Variants in PAK3 observed in about 807,000 individuals in gnomAD.
The protein encoded by PAK3 is p21 (RAC1) activated kinase 3.
PAK3 carries 4 observed loss-of-function variants against 41.0 expected under a neutral mutation model. That is an observed-to-expected ratio of 0.10 (90% CI 0.05 to 0.22). The LOEUF (loss-of-function observed/expected upper bound fraction) is 0.22, where lower values mean the gene tolerates loss of function less well. PAK3 is among the 10% of genes least tolerant of loss of function. The pLI, the probability that PAK3 is intolerant of heterozygous loss-of-function variation, is 1.00. For synonymous variants in PAK3, 146 were observed against 139.6 expected (o/e 1.05, Z -0.32); for missense variants, 205 against 409.9 (o/e 0.50, Z 4.32).
intron 11 of PAK3, among the ~76,000 whole-genome samples, chrX:111,175,268 A>G (rs768206703): frequency 2.4e-4 from 27 of 111,633 alleles, no homozygotes; most frequent in Non-Finnish European, 4.9e-4. Context: ...AGCACTTGAA[A>G]TGTGGCTAGT....
chrX:111,003,382 C>A (rs953249940), intron 1 of PAK3, among the ~76,000 whole-genome samples: 1 of 111,343 alleles, frequency 9.0e-6, no homozygotes, highest in Non-Finnish European at 1.9e-5. Flanking sequence ...GAAGTCCCTG[C>A]ACCTCGGGGA....
intron 6 of PAK3, 89 bp downstream of exon 6, chrX:111,142,285 T>C: frequency 1.7e-6 from 1 of 593,014 alleles, no homozygotes; most frequent in Admixed American, 2.2e-5. Flanking sequence ...TGTCCCAAAA[T>C]GTCAGACTTA....
chrX:110,972,988 A>G (rs2091245082), intron 1 of PAK3, among the ~76,000 whole-genome samples: 1 of 111,831 alleles, frequency 8.9e-6, no homozygotes, highest in African/African-American at 3.3e-5. Flanking sequence ...AATTAATGAA[A>G]TAAAGCAAGA....
intron 1 of PAK3, among the ~76,000 whole-genome samples, chrX:111,024,398 A>G (rs1331832729): frequency 9.0e-6 from 1 of 111,548 alleles, no homozygotes; most frequent in Admixed American, 9.6e-5. Context: ...TTCCATATGA[A>G]ATTTAAAGTA....
intron 17 of PAK3, among the ~76,000 whole-genome samples, chrX:111,218,835 C>T (rs897107380): frequency 1.8e-5 from 2 of 110,352 alleles, no homozygotes; most frequent in Middle Eastern, 4.7e-3. Context: ...GACAGGGAGA[C>T]CAAGGGGGAG....
intron 11 of PAK3, among the ~76,000 whole-genome samples, chrX:111,174,254 A>G (rs2094380837): frequency 1.8e-5 from 2 of 110,908 alleles, no homozygotes; most frequent in Non-Finnish European, 3.8e-5. Flanking sequence ...TTCTTTTGAA[A>G]TTGCCAGTAT....
intron 1 of PAK3, among the ~76,000 whole-genome samples, chrX:111,070,464 C>A (rs1194136798): frequency 1.8e-5 from 2 of 111,889 alleles, no homozygotes; most frequent in Non-Finnish European, 3.8e-5. Context: ...GTAGAAAAAT[C>A]TTTGCAATTC....
intron 1 of PAK3, among the ~76,000 whole-genome samples, chrX:111,000,226 C>T (rs1436334013): frequency 3.6e-5 from 4 of 111,590 alleles, no homozygotes; most frequent in Non-Finnish European, 7.5e-5. Flanking sequence ...TTGGTTTTGT[C>T]CCTTTGTGTC....
At chrX:111,075,386 T>TGCTCGA (rs2092776261) in intron 1 of PAK3, among the ~76,000 whole-genome samples, 2 of 112,780 alleles carry the variant, frequency 1.8e-5, no homozygotes, top group Admixed American at 1.9e-4. Flanking sequence ...GCATCCCTAC[T>TGCTCGA]GCTCCAGCTC....
intron 4 of PAK3, among the ~76,000 whole-genome samples, chrX:111,115,415 G>A (rs1042124746): frequency 2.7e-5 from 3 of 111,357 alleles, no homozygotes; most frequent in Non-Finnish European, 5.7e-5. Flanking sequence ...CTTGAATATG[G>A]GGAATTCCTA....
intron 10 of PAK3, among the ~76,000 whole-genome samples, chrX:111,165,269 C>T: frequency 9.0e-6 from 1 of 111,657 alleles, no homozygotes. Flanking sequence ...ATTAAATATG[C>T]CACTAGCACT....
intron 1 of PAK3, among the ~76,000 whole-genome samples, chrX:111,023,035 T>TC (rs1427623420): frequency 9.1e-6 from 1 of 110,225 alleles, no homozygotes; most frequent in Admixed American, 9.7e-5. Context: ...ATGCTATCCC[T>TC]CCCCCAGGCC....
At chrX:111,141,388 A>G (rs2093869512) in intron 5 of PAK3, among the ~76,000 whole-genome samples, 1 of 112,161 alleles carries the variant, frequency 8.9e-6, no homozygotes, top group African/African-American at 3.2e-5. Flanking sequence ...ACATGGACAA[A>G]TAACTACAAA....
chrX:110,957,487 T>C (rs1360020079), intron 1 of PAK3, among the ~76,000 whole-genome samples: 1 of 112,242 alleles, frequency 8.9e-6, no homozygotes, highest in African/African-American at 3.2e-5. Context: ...ACTTATGAAA[T>C]ATTCAGAAGG....
intron 1 of PAK3, among the ~76,000 whole-genome samples, chrX:111,087,543 A>G (rs147500549): frequency 1.3e-3 from 143 of 110,797 alleles, no homozygotes; most frequent in African/African-American, 4.4e-3. Context: ...CTGTGTGCAC[A>G]TATTAACTTT....
intron 1 of PAK3, among the ~76,000 whole-genome samples, chrX:111,070,024 G>GT (rs959548324): frequency 7.2e-5 from 8 of 110,750 alleles, no homozygotes; most frequent in Non-Finnish European, 1.5e-4. Flanking sequence ...TTATCTATTA[G>GT]TTTTTTTCTG....
At position 110,949,854 on chromosome X, in the gene PAK3, G is replaced by A. The variant is rs751774108; in HGVS notation, c.-28+5226G>A. Among the ~76,000 whole-genome samples the A allele has an allele frequency of 8.1e-5, 9 of 111,680 alleles. No individual in the cohort carries two copies. In the South Asian group the frequency reaches 3.4e-3, roughly 43 times the overall value. ...GGGAAGCTAGGCAGGTGGGAAATTT[G>A]GGAGGACTGGGGAGGGGGTCAGTCC... On this transcript the variant is annotated intron_variant, in intron 1 of 14. Coordinates refer to the PAK3 transcript ENST00000425146.
chrX:111,204,319 T>A (rs746701420), intron 16 of PAK3, among the ~76,000 whole-genome samples: 36 of 111,273 alleles, frequency 3.2e-4, no homozygotes, highest in Middle Eastern at 9.3e-3. Context: ...AAGTTTATGC[T>A]ACTATTATGT....
At chrX:111,022,463 C>A (rs778196396) in intron 1 of PAK3, among the ~76,000 whole-genome samples, 1 of 111,439 alleles carries the variant, frequency 9.0e-6, no homozygotes, top group East Asian at 2.8e-4. Context: ...CAGTCTTTTC[C>A]AGACAAACAA....
Sources: gnomAD v4.1 joint callset for allele counts (sites outside exome capture counted in the v4.1 genomes callset) on GRCh38, gnomAD v4.1.1 for gene constraint, MANE v1.5 for transcripts, NCBI Gene and HGNC (gene_info 2026-07-23, HGNC 2026-07-21) for gene names.